Variants in KLB observed in about 807,000 individuals in gnomAD.
KLB encodes the protein klotho beta.
Under a neutral mutation model 88.4 loss-of-function variants are expected in KLB, and 44 were observed. That is an observed-to-expected ratio of 0.50 (90% CI 0.39 to 0.64). The LOEUF (loss-of-function observed/expected upper bound fraction) is 0.64. Ranked by LOEUF, KLB falls within the 30% of genes least tolerant of loss-of-function variation. The pLI, the probability that KLB is intolerant of heterozygous loss-of-function variation, is 0.00. For synonymous variants in KLB, 548 were observed against 513.4 expected (o/e 1.07, Z -0.91); for missense variants, 1,137 against 1,304.8 (o/e 0.87, Z 1.98).
intron 1 of KLB, among the ~76,000 whole-genome samples, chr4:39,424,834 G>A (rs1743168273): frequency 2.0e-5 from 3 of 151,914 alleles, no homozygotes; most frequent in Admixed American, 2.0e-4. Flanking sequence ...TCACCATGTT[G>A]GCCAGGCTGT....
At chr4:39,447,809 C>G (rs559989449) in intron 4 of KLB, among the ~76,000 whole-genome samples, 4 of 152,240 alleles carry the variant, frequency 2.6e-5, no homozygotes, top group Non-Finnish European at 5.9e-5. Context: ...TGTGGGTAAA[C>G]AGGTGTATAA....
rs764062270 is a variant in KLB, at chr4:39,446,992, T to G, written c.2266T>G (p.Ser756Ala). 2 of 1,609,536 alleles carry G rather than the reference T, an allele frequency of 1.2e-6. No homozygotes were observed. The highest frequency in any genetic ancestry group is 1.1e-5 in the South Asian group (1 of 91,078). The change falls in exon 4 of 5, where the codon TCG becomes GCG. Residue 756 changes from serine (S) to alanine (A), a missense_variant. Around this residue, in one of 4 missense-constraint regions of KLB, gnomAD observed 426 missense variants for 404.6 expected, o/e 1.05. Coordinates refer to ENST00000257408, the MANE Select transcript of KLB (RefSeq NM_175737.4). This position sits in a 1 kb window ranked among gnomAD's most constrained non-coding sequence, Gnocchi z 6.4. ...GGAACCCGCCAACCCCTATGCTGAC[T>G]CGCACTGGAGGGCGGCCGAGCGCTT... ...WAEPANPYAD[S>A]HWRAAERFLQ...
At chr4:39,442,867 G>A (rs182826250) in intron 3 of KLB, among the ~76,000 whole-genome samples, 140 of 152,114 alleles carry the variant, frequency 9.2e-4, no homozygotes, top group African/African-American at 2.9e-3. Context: ...CTGATTCAAC[G>A]CTATCTAAAA....
chr4:39,413,396 A>C (rs906082995), intron 1 of KLB, among the ~76,000 whole-genome samples: 2 of 152,156 alleles, frequency 1.3e-5, no homozygotes, highest in African/African-American at 4.8e-5. Context: ...ACAATAACTC[A>C]TTCTGTTTAT....
At chr4:39,428,142 G>T (rs1743260371) in intron 1 of KLB, among the ~76,000 whole-genome samples, 2 of 152,106 alleles carry the variant, frequency 1.3e-5, no homozygotes, top group Admixed American at 1.3e-4. Flanking sequence ...TTAGAAATAG[G>T]TAGTCCAGGC....
intron 1 of KLB, among the ~76,000 whole-genome samples, chr4:39,419,381 A>G (rs1743029986): frequency 6.6e-6 from 1 of 151,968 alleles, no homozygotes; most frequent in East Asian, 1.9e-4. Flanking sequence ...GACATGATGA[A>G]ACTATGAACT....
intron 1 of KLB, among the ~76,000 whole-genome samples, chr4:39,408,820 A>G (rs978674916): frequency 6.6e-6 from 1 of 152,084 alleles, no homozygotes; most frequent in African/African-American, 2.4e-5. Flanking sequence ...TAGTTTACTT[A>G]GGAAAAATAA....
chr4:39,424,387 C>A (rs957098905), intron 1 of KLB, among the ~76,000 whole-genome samples: 1 of 151,762 alleles, frequency 6.6e-6, no homozygotes, highest in Admixed American at 6.6e-5. Flanking sequence ...ATTACTATAG[C>A]CTTAGAGTCC....
chr4:39,415,120 C>T (rs1470757290), intron 1 of KLB, among the ~76,000 whole-genome samples: 1 of 151,948 alleles, frequency 6.6e-6, no homozygotes, highest in African/African-American at 2.4e-5. Context: ...ACCATGTTGG[C>T]CAGGCTGGTC....
At chr4:39,423,064 G>T (rs1407601298) in intron 1 of KLB, among the ~76,000 whole-genome samples, 1 of 151,790 alleles carries the variant, frequency 6.6e-6, no homozygotes, top group Non-Finnish European at 1.5e-5. Flanking sequence ...ACCGCTCCCG[G>T]CCTCAGTCTA....
intron 3 of KLB, among the ~76,000 whole-genome samples, chr4:39,445,307 C>G (rs983148647): frequency 6.6e-6 from 1 of 152,126 alleles, no homozygotes; most frequent in South Asian, 2.1e-4. Flanking sequence ...AGGGCTCTCT[C>G]CTTCGTGGAG....
At chr4:39,442,668 C>T (rs1743637885) in intron 3 of KLB, among the ~76,000 whole-genome samples, 2 of 152,026 alleles carry the variant, frequency 1.3e-5, no homozygotes, top group African/African-American at 2.4e-5. Context: ...CTCCTGACCT[C>T]GTGATCCACC....
rs770217121 is a variant in KLB at position 39,448,607 on chromosome 4, G to A, written c.3056G>A (p.Arg1019Lys). The change falls in exon 5 of 5, where the codon AGG (arginine) becomes AAG (lysine). Residue 1019 changes from arginine to lysine, a missense_variant. Arg to Lys is a conservative substitution (Grantham distance 26). Around this residue, in one of 4 missense-constraint regions of KLB, gnomAD observed 426 missense variants for 404.6 expected, o/e 1.05. Coordinates refer to ENST00000257408, the MANE Select transcript of KLB (RefSeq NM_175737.4). ...VLLLSIAIFQRQKRRKFWKAK... is the reference protein window; with the variant it reads ...VLLLSIAIFQKQKRRKFWKAK... ...CTCTTATCAATTGCCATTTTTCAAA[G>A]GCAGAAGAGAAGAAAGTTTTGGAAA... is the stretch of plus-strand genomic sequence containing the variant. 1 of 1,614,072 alleles carries A rather than the reference G, an allele frequency of 6.2e-7. No homozygotes were observed. The highest frequency in any genetic ancestry group is 8.5e-7 in the Non-Finnish European group (1 of 1,180,006).
intron 1 of KLB, among the ~76,000 whole-genome samples, chr4:39,423,036 G>A (rs951442103): frequency 6.6e-6 from 1 of 151,722 alleles, no homozygotes; most frequent in Non-Finnish European, 1.5e-5. Context: ...CAAAGTGCTG[G>A]GATTACAGGC....
intron 4 of KLB, 36 bp downstream of exon 4, chr4:39,447,511 G>C (rs769717641): frequency 1.4e-6 from 2 of 1,480,354 alleles, no homozygotes; most frequent in Non-Finnish European, 1.8e-6. Flanking sequence ...AGGGCAGAGC[G>C]AGATTCCTGT....
Position 39,448,781 on chromosome 4 carries a change from T to C in KLB, c.*95T>C. ...ATATACCTGTATTATAGAAAGACAA[T>C]CTGAGATACAGCTGTAACCAAGGTG... On this transcript the variant is annotated 3_prime_UTR_variant, in exon 5 of 5. Transcript: ENST00000257408. 1 of 1,204,290 alleles carries C rather than the reference T, an allele frequency of 8.3e-7. No individual in the cohort carries two copies. Among genetic ancestry groups the C allele is most frequent in the Non-Finnish European group, 1.2e-6 (1 of 863,056 alleles). The allele number at this position is 1,204,290 out of a possible 1,614,324, so 74.6% of individuals were successfully genotyped here.
rs1392543275 is a variant in KLB, at chr4:39,437,928, C to T, written c.1538C>T (p.Ser513Phe). ...GAAAATGGTTTTTCTTTAAAAGAGT[C>T]CACGCCAGATGTGCAGGGCCAGTTT... Reference protein sequence around the residue: ...IRENGFSLKESTPDVQGQFPC... With the variant: ...IRENGFSLKEFTPDVQGQFPC... The change falls in exon 3 of 5, where the codon TCC (serine) becomes TTC (phenylalanine). Residue 513 changes from serine (S) to phenylalanine (F), a missense_variant. This residue lies in a region of KLB where 597 missense variants were observed against 765.2 expected (regional missense o/e 0.78). Coordinates refer to ENST00000257408, the MANE Select transcript of KLB (RefSeq NM_175737.4). 1 of 1,614,030 alleles carries T rather than the reference C, an allele frequency of 6.2e-7. No homozygotes were observed. Among genetic ancestry groups the T allele is most frequent in the Non-Finnish European group, 8.5e-7 (1 of 1,180,026 alleles).
At chr4:39,410,166 A>T (rs751416947) in intron 1 of KLB, among the ~76,000 whole-genome samples, 8 of 152,232 alleles carry the variant, frequency 5.3e-5, no homozygotes, top group Non-Finnish European at 1.2e-4. Flanking sequence ...AAATGTCAAC[A>T]ATTAGAGTTT....
chr4:39,432,951 T>C (rs1239678146), intron 1 of KLB, among the ~76,000 whole-genome samples: 1 of 149,098 alleles, frequency 6.7e-6, no homozygotes, highest in Non-Finnish European at 1.5e-5. Context: ...CCATCTCTGC[T>C]CACTGCAACC....
Sources: allele counts gnomAD v4.1 joint callset (sites outside exome capture counted in the v4.1 genomes callset), GRCh38; gene constraint gnomAD v4.1.1; regional missense constraint gnomAD v4.1.1; non-coding constraint Gnocchi (gnomAD v3.1); transcripts MANE v1.5; gene names NCBI Gene and HGNC (gene_info 2026-07-23, HGNC 2026-07-21).